MGAT5B: variants seen among roughly 807,000 people sequenced by gnomAD.
MGAT5B encodes alpha-1,6-mannosylglycoprotein 6-beta-N-acetylglucosaminyltransferase B, also known as N-acetylglucosaminyl-transferase Vb.
A neutral mutation model predicts 95.1 loss-of-function variants in MGAT5B; 54 were observed. The ratio of observed to expected loss-of-function variants is 0.57; its 90% CI spans 0.46 to 0.71. The LOEUF (loss-of-function observed/expected upper bound fraction) is 0.71, where lower values mean the gene tolerates loss of function less well. Among genes scored for constraint, MGAT5B ranks in the 30% least tolerant of loss-of-function variants. The probability of loss-of-function intolerance (pLI) is 0.00; values close to 1 mark genes in which losing one functional copy is unlikely to be tolerated. For missense variants in MGAT5B, 935 were observed against 1,088.6 expected (o/e 0.86, Z 1.99); for synonymous variants, 464 against 451.0 (o/e 1.03, Z -0.36).
chr17:76,880,894 C>G (rs1005506044), intron 2 of MGAT5B, among the ~76,000 whole-genome samples: 1 of 152,206 alleles, frequency 6.6e-6, no homozygotes, highest in South Asian at 2.1e-4. Flanking sequence ...ACTACTCACC[C>G]TCAAACCCTT....
intron 15 of MGAT5B, among the ~76,000 whole-genome samples, chr17:76,942,909 G>T (rs1206152646): frequency 6.6e-6 from 1 of 152,188 alleles, no homozygotes; most frequent in African/African-American, 2.4e-5. Context: ...CCTGCAGAGG[G>T]GCTCGGGCAA....
At position 76,926,172 on chromosome 17, in the gene MGAT5B, A is replaced by C. The variant is rs536754275; in HGVS notation, c.1158-425A>C. Among the ~76,000 whole-genome samples the C allele has an allele frequency of 1.4e-4, 21 of 152,258 alleles. No homozygotes were observed. The South Asian group carries it at 4.1e-3, about 30-fold the overall frequency. The stretch of plus-strand genomic sequence containing the variant: ...CATCCTGGCCCTATAGACTGGGCAC[A>C]TCCAGGGGTGTCAGGCTCCTGAGAA... On this transcript the variant is annotated intron_variant, in intron 9 of 17. Coordinates refer to ENST00000569840, the MANE Select transcript of MGAT5B (RefSeq NM_001199172.2).
chr17:76,935,809 A>G lies in MGAT5B; in HGVS notation c.1429-2179A>G, dbSNP rs1238952629. Among the ~76,000 whole-genome samples the G allele has an allele frequency of 2.8e-5, 4 of 142,464 alleles. No homozygotes were observed. In the East Asian group the frequency reaches 5.8e-4, roughly 21 times the overall value. 93.5% of individuals were successfully genotyped at this position (142,464 alleles called of 152,430 possible). The stretch of plus-strand genomic sequence containing the variant: ...TTTTAAACATATATATATTATATAT[A>G]TTATATAATTATATATACTATATAT... On this transcript the variant is annotated intron_variant, in intron 12 of 17. Coordinates refer to ENST00000569840, the MANE Select transcript of MGAT5B (RefSeq NM_001199172.2).
intron 3 of MGAT5B, among the ~76,000 whole-genome samples, chr17:76,897,306 A>T (rs1968096460): frequency 6.6e-6 from 1 of 152,182 alleles, no homozygotes; most frequent in African/African-American, 2.4e-5. Context: ...GCCGTAAAAA[A>T]TGACCACAAA....
chr17:76,932,515 C>T (rs1209275424), intron 10 of MGAT5B, 130 bp from the exon 11 acceptor site: 7 of 1,360,596 alleles, frequency 5.1e-6, no homozygotes, highest in East Asian at 4.9e-5. Flanking sequence ...CCCTCCCCAC[C>T]GCACCCTGTG....
Position 76,915,748 on chromosome 17 carries a change from G to A in MGAT5B, c.1026-9218G>A, listed in dbSNP as rs530817936. Among the ~76,000 whole-genome samples, 1 of 152,292 alleles carries A rather than the reference G, an allele frequency of 6.6e-6. No homozygotes were observed. Among genetic ancestry groups the A allele is most frequent in the Admixed American group, 6.5e-5 (1 of 15,300 alleles). ...CCCCGTTCCAAGAGGAGGCACGAGA[G>A]GCCGACGATTACAATTCACTAAAAA... On this transcript the variant is annotated intron_variant, in intron 8 of 17. Coordinates refer to ENST00000569840, the MANE Select transcript of MGAT5B (RefSeq NM_001199172.2). The surrounding 1 kb of genome is among the most constrained non-coding windows in gnomAD (Gnocchi z 8.7).
intron 2 of MGAT5B, among the ~76,000 whole-genome samples, chr17:76,874,303 G>T (rs1301442077): frequency 6.6e-6 from 1 of 152,130 alleles, no homozygotes; most frequent in East Asian, 1.9e-4. Flanking sequence ...CTTAATGGAT[G>T]TGTCGAGTCT....
Position 76,940,085 on chromosome 17 carries a change from C to T in MGAT5B, c.1585-317C>T, listed in dbSNP as rs948880794. On this transcript the variant is annotated intron_variant, in intron 13 of 17. Transcript: ENST00000569840. This position sits in a 1 kb window ranked among gnomAD's most constrained non-coding sequence, Gnocchi z 4.3. Reference sequence around the variant, plus strand: ...GGCCTGAAACCCTTGTTCTTTTCTTCCTCCCTCCACAATCATAAATCATAG... The same window carrying T: ...GGCCTGAAACCCTTGTTCTTTTCTTTCTCCCTCCACAATCATAAATCATAG... Among the ~76,000 whole-genome samples the T allele has an allele frequency of 6.6e-6, 1 of 152,054 alleles. No individual in the cohort carries two copies. Among genetic ancestry groups the T allele is most frequent in the Non-Finnish European group, 1.5e-5 (1 of 68,000 alleles).
intron 3 of MGAT5B, chr17:76,882,551 GA>G: frequency 7.3e-6 from 3 of 408,180 alleles, no homozygotes; most frequent in Middle Eastern, 1.3e-3. Flanking sequence ...CTTCTCCCTA[GA>G]GACAAGTGCC....
chr17:76,890,530 G>T (rs1030046580), intron 3 of MGAT5B, among the ~76,000 whole-genome samples: 6 of 152,118 alleles, frequency 3.9e-5, no homozygotes, highest in South Asian at 2.1e-4. Flanking sequence ...TTGAGACAGG[G>T]TCTCCCTCTG....
At chr17:76,943,288 G>A (rs1374096299) in intron 15 of MGAT5B, among the ~76,000 whole-genome samples, 2 of 152,090 alleles carry the variant, frequency 1.3e-5, no homozygotes, top group African/African-American at 2.4e-5. Flanking sequence ...GCAAGGTATT[G>A]CAAATCTGAC....
At position 76,889,637 on chromosome 17, in the gene MGAT5B, AATC is replaced by A. The variant is rs1967795145; in HGVS notation, c.329+7345_329+7347del. 6.6e-6 allele frequency among the ~76,000 whole-genome samples: 1 copy of A among 152,192 alleles called. No homozygotes were observed. ...AGAGCTGGCTGAAGTAATAATTATTAATCATCATAATAATTAATGATGATAATA... is the reference window on the plus strand; with the variant it reads ...AGAGCTGGCTGAAGTAATAATTATTAATCATAATAATTAATGATGATAATA... On this transcript the variant is annotated intron_variant, in intron 3 of 17. Transcript: ENST00000569840. The surrounding 1 kb of genome is among the most constrained non-coding windows in gnomAD (Gnocchi z 4.4).
At chr17:76,929,584 A>T (rs1969418783) in intron 10 of MGAT5B, among the ~76,000 whole-genome samples, 2 of 152,360 alleles carry the variant, frequency 1.3e-5, no homozygotes, top group South Asian at 4.1e-4. Context: ...GGTTTATCTC[A>T]ATCTCTCTGG....
chr17:76,888,985 G>T (rs561698471), intron 3 of MGAT5B, among the ~76,000 whole-genome samples: 1 of 152,358 alleles, frequency 6.6e-6, no homozygotes, highest in South Asian at 2.1e-4. Flanking sequence ...GGCTGCACGA[G>T]GGTCGGCCTT....
At position 76,915,755 on chromosome 17, in the gene MGAT5B, GA is replaced by G. The variant is rs538397101; in HGVS notation, c.1026-9210del. On this transcript the variant is annotated intron_variant, in intron 8 of 17. Coordinates refer to ENST00000569840, the MANE Select transcript of MGAT5B (RefSeq NM_001199172.2). The surrounding 1 kb of genome is among the most constrained non-coding windows in gnomAD (Gnocchi z 8.7). ...CCAAGAGGAGGCACGAGAGGCCGAC[GA>G]TTACAATTCACTAAAAATCCCCGGC... is the stretch of plus-strand genomic sequence containing the variant. Among the ~76,000 whole-genome samples, 20 of 152,268 alleles carry G rather than the reference GA, an allele frequency of 1.3e-4. No homozygotes were observed. The South Asian group carries it at 3.9e-3, about 30-fold the overall frequency.
At chr17:76,932,570 G>A (rs1969526292) in intron 10 of MGAT5B, 75 bp from the exon 11 acceptor site, 8 of 1,587,588 alleles carry the variant, frequency 5.0e-6, no homozygotes, top group African/African-American at 1.3e-5. Flanking sequence ...CCTCTTGGGC[G>A]GGGCAGTCCA....
rs371058112 is a variant in MGAT5B, at chr17:76,906,209, T to C, written c.1025+22T>C. On this transcript the variant is annotated intron_variant, in intron 8 of 17. Coordinates refer to ENST00000569840, the MANE Select transcript of MGAT5B (RefSeq NM_001199172.2). This position sits in a 1 kb window ranked among gnomAD's most constrained non-coding sequence, Gnocchi z 4.6. ...AGAGGTGAGTGCTGGGGAAAGCCAC[T>C]GGCATTAAGTGGGGCAGGGAGGGGA... The C allele has an allele frequency of 1.0e-5, 16 of 1,579,104 alleles. 2 individuals are homozygous for C. The African/African-American group carries it at 2.1e-4, about 21-fold the overall frequency.
chr17:76,897,709 CTTTCTTTCTTTCTT>C (rs1968130221), intron 3 of MGAT5B, among the ~76,000 whole-genome samples: 3 of 92,994 alleles, frequency 3.2e-5, no homozygotes, highest in African/African-American at 1.7e-4. Flanking sequence ...TTCTTTCTTT[CTTTCTTTCTTTCTT>C]TCTTTTTCTT....
intron 15 of MGAT5B, among the ~76,000 whole-genome samples, chr17:76,941,227 C>T (rs1046001490): frequency 6.6e-6 from 1 of 152,262 alleles, no homozygotes; most frequent in Non-Finnish European, 1.5e-5. Context: ...GGCTTTGCAG[C>T]CTTTACACAG....
Sources: gnomAD v4.1 joint callset for allele counts (sites outside exome capture counted in the v4.1 genomes callset) on GRCh38, gnomAD v4.1.1 for gene constraint, Gnocchi (gnomAD v3.1) non-coding constraint, MANE v1.5 for transcripts, NCBI Gene and HGNC (gene_info 2026-07-23, HGNC 2026-07-21) for gene names.